The following RAB3D variants were observed in gnomAD, a reference collection of about 807,000 sequenced individuals.
The protein encoded by RAB3D is ras-related protein Rab-3D.
Under a neutral mutation model 19.3 loss-of-function variants are expected in RAB3D, and 17 were observed. That is an observed-to-expected ratio of 0.88 (90% CI 0.60 to 1.32). The LOEUF (loss-of-function observed/expected upper bound fraction) is 1.32. Ranked by LOEUF, RAB3D falls within the 40% of genes most tolerant of loss-of-function variation. The probability of loss-of-function intolerance (pLI) is 0.00; values close to 1 mark genes in which losing one functional copy is unlikely to be tolerated. For synonymous variants in RAB3D, 103 were observed against 119.9 expected (o/e 0.86, Z 0.92); for missense variants, 223 against 299.1 (o/e 0.75, Z 1.88).
chr19:11,333,244 T>C (rs2080841383), intron 4 of RAB3D, among the ~76,000 whole-genome samples: 1 of 151,916 alleles, frequency 6.6e-6, no homozygotes, highest in Non-Finnish European at 1.5e-5. Flanking sequence ...CACGCCTGGC[T>C]AATTTTTTTG....
chr19:11,333,853 C>T (rs1316376103), intron 4 of RAB3D, among the ~76,000 whole-genome samples: 1 of 151,964 alleles, frequency 6.6e-6, no homozygotes, highest in African/African-American at 2.4e-5. Context: ...GTCACCATGC[C>T]CGGCTAATTT....
intron 3 of RAB3D, 26 bp from the exon 4 acceptor site, chr19:11,335,597 T>G (rs2080849785): frequency 1.2e-6 from 2 of 1,613,804 alleles, no homozygotes; most frequent in Admixed American, 3.3e-5. Context: ...TGGTGAGCCA[T>G]GAGCCGGGGG....
chr19:11,330,033 C>T (rs1382342653), intron 4 of RAB3D, among the ~76,000 whole-genome samples: 1 of 152,064 alleles, frequency 6.6e-6, no homozygotes, highest in African/African-American at 2.4e-5. Flanking sequence ...CCCCCTTTAC[C>T]CCGAGACCCC....
In RAB3D at chr19:11,324,259, GAAAAAAAAAA is replaced by G. The variant is rs561740577; in HGVS notation, c.*1129_*1138del. 9.8e-6 allele frequency: 1 copy of G among 102,556 alleles called. No individual in the cohort carries two copies. The highest frequency in any genetic ancestry group is 2.9e-4 in the East Asian group (1 of 3,420). 6.4% of individuals were successfully genotyped at this position (102,556 alleles called of 1,614,324 possible). A position where few individuals can be genotyped will look rare whatever the true frequency, so the allele number is the denominator to read the frequency against. On this transcript the variant is annotated 3_prime_UTR_variant, in exon 5 of 5. Coordinates refer to ENST00000222120, the MANE Select transcript of RAB3D (RefSeq NM_004283.4). Reference sequence around the variant, plus strand: ...TGACAGAGCCAGACCATCTCAAAAAGAAAAAAAAAAAAAAAGAAGTGACTCCTCCATTAGC... The same window carrying G: ...TGACAGAGCCAGACCATCTCAAAAAGAAAAAGAAGTGACTCCTCCATTAGC...
intron 4 of RAB3D, among the ~76,000 whole-genome samples, chr19:11,331,251 C>A (rs1018049300): frequency 6.6e-6 from 1 of 151,326 alleles, no homozygotes; most frequent in African/African-American, 2.4e-5. Flanking sequence ...GCCGAAATCA[C>A]GCCATTGCAC....
At position 11,325,209 on chromosome 19, in the gene RAB3D, CACCGGGGCTGCCTGAGG is replaced by C. The variant is rs2080804551; in HGVS notation, c.*172_*188del. 1 of 555,226 alleles carries C rather than the reference CACCGGGGCTGCCTGAGG, an allele frequency of 1.8e-6. No individual in the cohort carries two copies. Among genetic ancestry groups the C allele is most frequent in the African/African-American group, 1.9e-5 (1 of 53,014 alleles). 34.4% of individuals were successfully genotyped at this position (555,226 alleles called of 1,614,324 possible). A position where few individuals can be genotyped will look rare whatever the true frequency, so the allele number is the denominator to read the frequency against. The stretch of plus-strand genomic sequence containing the variant: ...TGAGTCCCCATGGTCCGCAGCCTCC[CACCGGGGCTGCCTGAGG>C]AACCTGGCAGCCACGGCGACATTGT... On this transcript the variant is annotated 3_prime_UTR_variant, in exon 5 of 5. Transcript: ENST00000222120.
rs576931426 is a variant in RAB3D, at chr19:11,334,164, G to A, written c.472+1283C>T. Reference sequence around the variant, plus strand: ...GACTCCTGGACTAAAGAAAGCAGTCGTATCCACTATTTTGCTAGAACAAAA... The same window carrying A: ...GACTCCTGGACTAAAGAAAGCAGTCATATCCACTATTTTGCTAGAACAAAA... On this transcript the variant is annotated intron_variant, in intron 4 of 4. Transcript: ENST00000222120. Among the ~76,000 whole-genome samples the A allele has an allele frequency of 2.2e-4, 34 of 152,142 alleles. No individual in the cohort carries two copies. In the South Asian group the frequency reaches 2.9e-3, roughly 13 times the overall value.
rs145029725 is a variant in RAB3D, at chr19:11,332,426, C to A, written c.472+3021G>T. 8.8e-3 allele frequency among the ~76,000 whole-genome samples: 1,341 copies of A among 152,196 alleles called. 12 individuals carry two copies. The highest frequency in any genetic ancestry group is 0.03 in the African/African-American group (1,247 of 41,498). On this transcript the variant is annotated intron_variant, in intron 4 of 4. Coordinates refer to ENST00000222120, the MANE Select transcript of RAB3D (RefSeq NM_004283.4). Reference sequence around the variant, plus strand: ...GTGGTGCAATCTTGGCTCAATGCAACCTCTGCCTCCCAGGCTCAAGCGATC... The same window carrying A: ...GTGGTGCAATCTTGGCTCAATGCAAACTCTGCCTCCCAGGCTCAAGCGATC...
chr19:11,328,973 C>T (rs2080826351), intron 4 of RAB3D, among the ~76,000 whole-genome samples: 2 of 149,412 alleles, frequency 1.3e-5, no homozygotes, highest in Non-Finnish European at 3.0e-5. Flanking sequence ...CCTCTGTTGC[C>T]CAGGCTGGAG....
rs1358339441 is a variant in RAB3D at position 11,335,801 on chromosome 19, G to A, written c.229-18C>T. 2 of 1,608,224 alleles carry A rather than the reference G, an allele frequency of 1.2e-6. No individual in the cohort carries two copies. The highest frequency in any genetic ancestry group is 1.7e-6 in the Non-Finnish European group (2 of 1,174,636). ...GCTGTGTCCTGGACAAATGGCAGTG[G>A]CAGTTGGCTGGGAACTACCTGTTTC... is the stretch of plus-strand genomic sequence containing the variant. On this transcript the variant is annotated intron_variant, in intron 2 of 4. Coordinates refer to ENST00000222120, the MANE Select transcript of RAB3D (RefSeq NM_004283.4).
intron 4 of RAB3D, 118 bp downstream of exon 4, chr19:11,335,329 G>T: frequency 7.1e-7 from 1 of 1,417,238 alleles, no homozygotes; most frequent in Non-Finnish European, 9.6e-7. Context: ...ATACACATGG[G>T]TATCTTCCTG....
intron 4 of RAB3D, among the ~76,000 whole-genome samples, chr19:11,333,762 C>T (rs529191020): frequency 2.5e-4 from 38 of 151,260 alleles, no homozygotes; most frequent in African/African-American, 8.7e-4. Context: ...GGCGTGATAT[C>T]GGCTCACTGC....
At position 11,325,205 on chromosome 19, in the gene RAB3D, C is replaced by T. The variant is rs2080804466; in HGVS notation, c.*193G>A. Reference sequence around the variant, plus strand: ...GAGCTGAGTCCCCATGGTCCGCAGCCTCCCACCGGGGCTGCCTGAGGAACC... The same window carrying T: ...GAGCTGAGTCCCCATGGTCCGCAGCTTCCCACCGGGGCTGCCTGAGGAACC... On this transcript the variant is annotated 3_prime_UTR_variant, in exon 5 of 5. Coordinates refer to ENST00000222120, the MANE Select transcript of RAB3D (RefSeq NM_004283.4). 1 of 550,396 alleles carries T rather than the reference C, an allele frequency of 1.8e-6. No homozygotes were observed. Among genetic ancestry groups the T allele is most frequent in the Admixed American group, 3.1e-5 (1 of 32,188 alleles). 34.1% of individuals were successfully genotyped at this position (550,396 alleles called of 1,614,324 possible).
chr19:11,328,964 C>T (rs1240184428), intron 4 of RAB3D, among the ~76,000 whole-genome samples: 2 of 148,740 alleles, frequency 1.3e-5, no homozygotes, highest in Non-Finnish European at 3.0e-5. Flanking sequence ...CAGAGTCTCC[C>T]TCTGTTGCCC....
chr19:11,323,632 A>G lies in RAB3D; in HGVS notation c.*1766T>C, dbSNP rs556958215. On this transcript the variant is annotated 3_prime_UTR_variant, in exon 5 of 5. Transcript: ENST00000222120. ...AAAAGATACCCCACTCCAAAGTTCT[A>G]AGGGTAGCCTCTGGTATGAAGAAAC... 6.2e-4 allele frequency: 95 copies of G among 152,324 alleles called. No homozygotes were observed. The highest frequency in any genetic ancestry group is 2.2e-3 in the African/African-American group (93 of 41,562). 9.4% of individuals were successfully genotyped at this position (152,324 alleles called of 1,614,324 possible).
In RAB3D at chr19:11,325,410, G is replaced by C; in HGVS notation, c.648C>G (p.Ser216Arg). 6.3e-7 allele frequency: 1 copy of C among 1,581,088 alleles called. No individual in the cohort carries two copies. Among genetic ancestry groups the C allele is most frequent in the African/African-American group, 1.4e-5 (1 of 72,954 alleles). Residue 216 changes from serine to arginine, a missense_variant, in exon 5 of 5, where the codon AGC becomes AGG. Coordinates refer to ENST00000222120, the MANE Select transcript of RAB3D (RefSeq NM_004283.4). ...TTGGGGGCCATCTCTAGCAGCTGCA[G>C]CTGCTGGGCTGGGGGGCTGGAGCAT... Reference protein sequence around the residue: ...VGDAPAPQPSSCSC With the variant: ...VGDAPAPQPSRCSC
chr19:11,336,484 G>GT (rs975156295), intron 2 of RAB3D, among the ~76,000 whole-genome samples: 1 of 151,632 alleles, frequency 6.6e-6, no homozygotes, highest in Non-Finnish European at 1.5e-5. Flanking sequence ...AATGTTTAAA[G>GT]TTTTTTTTAG....
intron 4 of RAB3D, among the ~76,000 whole-genome samples, chr19:11,333,029 C>T (rs1164859336): frequency 6.6e-6 from 1 of 151,582 alleles, no homozygotes; most frequent in Non-Finnish European, 1.5e-5. Flanking sequence ...TGGAATAGTA[C>T]ACAGCCATGC....
Position 11,332,482 on chromosome 19 carries a change from C to T in RAB3D, c.472+2965G>A, listed in dbSNP as rs185778045. Among the ~76,000 whole-genome samples, 414 of 152,268 alleles carry T rather than the reference C, an allele frequency of 2.7e-3. 5 individuals carry two copies. Among genetic ancestry groups the T allele is most frequent in the African/African-American group, 9.6e-3 (398 of 41,548 alleles). ...ACCTCAGCCTCCTGAGTAGCTGAGACTATAGGTGTGAGCCACCATGCTTAG... is the reference window on the plus strand; with the variant it reads ...ACCTCAGCCTCCTGAGTAGCTGAGATTATAGGTGTGAGCCACCATGCTTAG... On this transcript the variant is annotated intron_variant, in intron 4 of 4. Coordinates refer to ENST00000222120, the MANE Select transcript of RAB3D (RefSeq NM_004283.4).
Sources: gnomAD v4.1 joint callset for allele counts (sites outside exome capture counted in the v4.1 genomes callset) on GRCh38, gnomAD v4.1.1 for gene constraint, MANE v1.5 for transcripts, NCBI Gene and HGNC (gene_info 2026-07-23, HGNC 2026-07-21) for gene names.